SSUH2: variants seen among roughly 807,000 people sequenced by gnomAD.
The protein encoded by SSUH2 is protein SSUH2 homolog.
Under a neutral mutation model 55.3 loss-of-function variants are expected in SSUH2, and 47 were observed. The ratio of observed to expected loss-of-function variants is 0.85; its 90% confidence interval spans 0.67 to 1.08. The LOEUF (loss-of-function observed/expected upper bound fraction) is 1.08. Ranked by LOEUF, SSUH2 falls within the 50% of genes least tolerant of loss-of-function variation. The pLI, the probability that SSUH2 is intolerant of heterozygous loss-of-function variation, is 0.00. For synonymous variants in SSUH2, 212 were observed against 191.5 expected (o/e 1.11, Z -0.89); for missense variants, 535 against 490.7 (o/e 1.09, Z -0.85).
At chr3:8,642,417 A>C (rs1381415795) in intron 1 of SSUH2, among the ~76,000 whole-genome samples, 1 of 152,226 alleles carries the variant, frequency 6.6e-6, no homozygotes, top group African/African-American at 2.4e-5. Context: ...AAAGAGTAGA[A>C]GCTCCAGGGA....
chr3:8,645,642 C>A (rs1701585199), upstream of SSUH2, among the ~76,000 whole-genome samples: 1 of 152,138 alleles, frequency 6.6e-6, no homozygotes, highest in South Asian at 2.1e-4. Flanking sequence ...ATGAAACTGC[C>A]CTACGCCTTG....
intron 3 of SSUH2, chr3:8,634,194 T>C: frequency 1.7e-6 from 1 of 593,874 alleles, no homozygotes; most frequent in South Asian, 2.0e-5. Flanking sequence ...CTCGGGTACC[T>C]TGACCTTAGC....
chr3:8,634,681 G>T (rs1282043964), intron 3 of SSUH2: 1 of 957,440 alleles, frequency 1.0e-6, no homozygotes, highest in Admixed American at 2.3e-5. Flanking sequence ...GGAGGAGAAG[G>T]GGGTTGCTTC....
At chr3:8,640,239 T>C (rs1385809192) in intron 1 of SSUH2, among the ~76,000 whole-genome samples, 3 of 152,174 alleles carry the variant, frequency 2.0e-5, no homozygotes, top group Admixed American at 1.3e-4. Context: ...ATGTCAGGTA[T>C]ATTTTATCAC....
intron 7 of SSUH2, among the ~76,000 whole-genome samples, chr3:8,652,529 G>A (rs1702529792): frequency 6.6e-6 from 1 of 152,172 alleles, no homozygotes. Context: ...AAAGAAAGGG[G>A]AAGGGTGGAA....
intron 7 of SSUH2, among the ~76,000 whole-genome samples, chr3:8,658,503 G>C (rs186480199): frequency 2.5e-3 from 381 of 152,338 alleles, no homozygotes; most frequent in Admixed American, 4.6e-3. Context: ...GCCAGGCTGG[G>C]TGGGGCAGGT....
intron 5 of SSUH2, among the ~76,000 whole-genome samples, chr3:8,668,130 T>C (rs1704161565): frequency 6.6e-6 from 1 of 151,922 alleles, no homozygotes; most frequent in African/African-American, 2.4e-5. Context: ...TATGGAGAGT[T>C]AACATTATTA....
upstream of SSUH2, among the ~76,000 whole-genome samples, chr3:8,648,753 G>A (rs1702031344): frequency 1.3e-5 from 2 of 152,266 alleles, no homozygotes; most frequent in East Asian, 1.9e-4. Flanking sequence ...CACAGGTGGG[G>A]AAATGATTAA....
At chr3:8,638,889 G>A (rs1225118138) in intron 1 of SSUH2, among the ~76,000 whole-genome samples, 2 of 152,170 alleles carry the variant, frequency 1.3e-5, no homozygotes, top group African/African-American at 4.8e-5. Flanking sequence ...TCCTCTTGAC[G>A]AGAAGACAGG....
Position 8,623,674 on chromosome 3 carries a change from A to C in SSUH2, c.874-18T>G, listed in dbSNP as rs9809581. 4.1e-4 allele frequency: 557 copies of C among 1,370,426 alleles called. 1 individual carries two copies. In the African/African-American group the frequency reaches 5.3e-3, roughly 13 times the overall value. The allele number at this position is 1,370,426 out of a possible 1,614,324, so 84.9% of individuals were successfully genotyped here. A position where few individuals can be genotyped will look rare whatever the true frequency, so the allele number is the denominator to read the frequency against. ...GGGTACACCTGGGGGAAAGAGAGAG[A>C]GACACAGACCACCTGGCTGCCGCAC... On this transcript the variant is annotated intron_variant, in intron 10 of 11. Coordinates refer to ENST00000544814, the MANE Select transcript of SSUH2 (RefSeq NM_001256748.3).
In SSUH2 at chr3:8,623,388, C is replaced by T. The variant is rs188028479; in HGVS notation, c.981+161G>A. The T allele has an allele frequency of 1.4e-3, 823 of 584,250 alleles. 1 individual carries two copies. The highest frequency in any genetic ancestry group is 2.3e-3 in the Non-Finnish European group (733 of 324,254). The allele number at this position is 584,250 out of a possible 1,614,324, so 36.2% of individuals were successfully genotyped here. On this transcript the variant is annotated intron_variant, in intron 11 of 11. Coordinates refer to ENST00000544814, the MANE Select transcript of SSUH2 (RefSeq NM_001256748.3). The stretch of plus-strand genomic sequence containing the variant: ...TGCGTCTTACTTGCCCTGCTCCATG[C>T]CCTGGGGCCTTAGGTCAGGCCCTAC...
At chr3:8,642,789 C>T (rs1701072780) in intron 1 of SSUH2, among the ~76,000 whole-genome samples, 1 of 152,190 alleles carries the variant, frequency 6.6e-6, no homozygotes, top group Admixed American at 6.5e-5. Flanking sequence ...CCTAAACAGG[C>T]ACATTTAAAT....
At chr3:8,671,580 T>C (rs1293419225) in intron 4 of SSUH2, among the ~76,000 whole-genome samples, 1 of 84,754 alleles carries the variant, frequency 1.2e-5, no homozygotes, top group Non-Finnish European at 2.4e-5. Flanking sequence ...TTATTATTAA[T>C]GTCCCGCTAG....
chr3:8,632,861 A>G (rs992644828), intron 4 of SSUH2, among the ~76,000 whole-genome samples: 1 of 152,210 alleles, frequency 6.6e-6, no homozygotes, highest in Non-Finnish European at 1.5e-5. Flanking sequence ...GTCTAGTGGC[A>G]GGTAGATGAA....
chr3:8,649,920 G>A (rs2737182), intron 7 of SSUH2, among the ~76,000 whole-genome samples: 15,186 of 152,030 alleles, frequency 0.1, 996 homozygotes, highest in South Asian at 0.14. Context: ...CGTGCTCTGC[G>A]AGCGACCCCC....
At chr3:8,631,058 G>T in intron 5 of SSUH2, 129 bp from the exon 6 acceptor site, 1 of 959,524 alleles carries the variant, frequency 1.0e-6, no homozygotes, top group Non-Finnish European at 1.4e-6. Context: ...CTACAGGGAT[G>T]GATAGTCAAG....
At chr3:8,624,185 A>G (rs1697049081) in intron 10 of SSUH2, among the ~76,000 whole-genome samples, 1 of 152,082 alleles carries the variant, frequency 6.6e-6, no homozygotes, top group Non-Finnish European at 1.5e-5. Context: ...AGCCTTCCAC[A>G]TATTAAGGGC....
chr3:8,643,781 A>G lies in SSUH2; in HGVS notation c.28+950T>C, dbSNP rs1034600010. Among the ~76,000 whole-genome samples, 4 of 152,306 alleles carry G rather than the reference A, an allele frequency of 2.6e-5. No individual in the cohort carries two copies. The East Asian group carries it at 7.7e-4, about 29-fold the overall frequency. On this transcript the variant is annotated intron_variant, in intron 1 of 11. Transcript: ENST00000544814. The stretch of plus-strand genomic sequence containing the variant: ...ATGAAAGCTATAGACCTCTCTCTAC[A>G]TCTCCCAAAAAGCATGCTCAAAAAG...
chr3:8,676,285 A>G (rs1206793999), intron 3 of SSUH2, among the ~76,000 whole-genome samples: 2 of 151,982 alleles, frequency 1.3e-5, no homozygotes, highest in East Asian at 3.9e-4. Flanking sequence ...AATATTAAGA[A>G]CAGTATCACA....
Sources: gnomAD v4.1 joint callset for allele counts (sites outside exome capture counted in the v4.1 genomes callset) on GRCh38, gnomAD v4.1.1 for gene constraint, MANE v1.5 for transcripts, NCBI Gene and HGNC (gene_info 2026-07-23, HGNC 2026-07-21) for gene names.